DNAI7: variants seen among roughly 807,000 people sequenced by gnomAD.
DNAI7 encodes cancer susceptibility 1.
Under a neutral mutation model 86.6 loss-of-function variants are expected in DNAI7, and 78 were observed. The observed-to-expected ratio is 0.90, with a 90% CI of 0.75 to 1.09. The LOEUF is 1.09. DNAI7 is among the 50% of genes least tolerant of loss of function. DNAI7 has a pLI of 0.00. For synonymous variants in DNAI7, 274 were observed against 273.0 expected, an observed-to-expected ratio of 1.00 and a Z score of -0.04; for missense variants, 753 against 810.2, an observed-to-expected ratio of 0.93 and a Z score of 0.86.
intron 9 of DNAI7, among the ~76,000 whole-genome samples, chr12:25,140,219 G>A (rs772689318): frequency 9.3e-5 from 14 of 150,176 alleles, no homozygotes; most frequent in African/African-American, 3.5e-4. Flanking sequence ...ATAAAAAAAC[G>A]AAGGGCATCC....
intron 9 of DNAI7, among the ~76,000 whole-genome samples, chr12:25,133,713 C>G (rs916937211): frequency 5.3e-5 from 8 of 152,142 alleles, no homozygotes; most frequent in Admixed American, 2.6e-4. Context: ...TAAGCATAAG[C>G]GTCTACACAT....
chr12:25,119,409 G>T, intron 11 of DNAI7, 108 bp from the exon 12 acceptor site: 1 of 615,226 alleles, frequency 1.6e-6, no homozygotes, highest in South Asian at 2.9e-5. Context: ...ACTGCAGTTT[G>T]ATCCTATTTA....
At chr12:25,146,593 G>C (rs1256149412) in intron 8 of DNAI7, among the ~76,000 whole-genome samples, 6 of 69,520 alleles carry the variant, frequency 8.6e-5, no homozygotes, top group Admixed American at 2.2e-4. Flanking sequence ...GAGCAAGACT[G>C]TGTCTCAAAA....
At position 25,127,501 on chromosome 12, in the gene DNAI7, T is replaced by C. The variant is rs115360781; in HGVS notation, c.1003-4215A>G. ...TCTCAAAAACTGACAACTGGAATTT[T>C]TACTTCAATTGTATTAAATTTATAG... is the stretch of plus-strand genomic sequence containing the variant. On this transcript the variant is annotated intron_variant, in intron 9 of 15. Transcript: ENST00000395987. Among the ~76,000 whole-genome samples the C allele has an allele frequency of 6.2e-3, 939 of 152,306 alleles. 6 individuals carry two copies. The highest frequency in any genetic ancestry group is 0.022 in the African/African-American group (906 of 41,560).
chr12:25,153,938 A>G (rs1945858241), intron 6 of DNAI7, among the ~76,000 whole-genome samples: 1 of 152,192 alleles, frequency 6.6e-6, no homozygotes, highest in African/African-American at 2.4e-5. Context: ...TGTCTAACAG[A>G]GTGTATACCT....
intron 9 of DNAI7, among the ~76,000 whole-genome samples, chr12:25,131,376 TCTC>T (rs1451400926): frequency 6.6e-6 from 1 of 152,230 alleles, no homozygotes; most frequent in Non-Finnish European, 1.5e-5. Flanking sequence ...TTATGTTAGT[TCTC>T]CTGTAGCTGT....
chr12:25,190,039 T>C (rs1950379572), intron 2 of DNAI7, among the ~76,000 whole-genome samples: 1 of 148,712 alleles, frequency 6.7e-6, no homozygotes, highest in Admixed American at 6.7e-5. Context: ...AATATGTCTG[T>C]AGGGTAAATT....
At chr12:25,147,760 A>T (rs1945054824) in intron 7 of DNAI7, among the ~76,000 whole-genome samples, 1 of 152,230 alleles carries the variant, frequency 6.6e-6, no homozygotes, top group African/African-American at 2.4e-5. Flanking sequence ...TTTCATTTTA[A>T]CTATACACAT....
intron 9 of DNAI7, among the ~76,000 whole-genome samples, chr12:25,138,834 G>A (rs1374835690): frequency 2.8e-5 from 4 of 144,628 alleles, no homozygotes; most frequent in Admixed American, 6.9e-5. Flanking sequence ...AAACAAAGCA[G>A]AAGAAAAGAA....
intron 6 of DNAI7, among the ~76,000 whole-genome samples, chr12:25,152,829 G>T (rs934422573): frequency 6.6e-6 from 1 of 152,198 alleles, no homozygotes; most frequent in African/African-American, 2.4e-5. Flanking sequence ...ATTGGTTGGT[G>T]TGAGAAAACC....
intron 13 of DNAI7, among the ~76,000 whole-genome samples, chr12:25,113,316 T>TG (rs1939362725): frequency 6.7e-6 from 1 of 149,816 alleles, no homozygotes; most frequent in African/African-American, 2.5e-5. Flanking sequence ...TTGTTGTTGT[T>TG]TTTGAGATGG....
intron 9 of DNAI7, among the ~76,000 whole-genome samples, chr12:25,126,803 T>C (rs1001634399): frequency 2.0e-5 from 3 of 152,134 alleles, no homozygotes; most frequent in Non-Finnish European, 2.9e-5. Flanking sequence ...TCAATAAAAA[T>C]ACCAAAGATA....
intron 2 of DNAI7, among the ~76,000 whole-genome samples, chr12:25,184,535 GGTT>G (rs1949850715): frequency 6.6e-6 from 1 of 152,076 alleles, no homozygotes; most frequent in African/African-American, 2.4e-5. Flanking sequence ...TGAACATCTG[GGTT>G]GTTTGTTGTC....
intron 2 of DNAI7, among the ~76,000 whole-genome samples, chr12:25,171,271 C>G (rs1266273325): frequency 6.6e-6 from 1 of 152,046 alleles, no homozygotes; most frequent in African/African-American, 2.4e-5. Context: ...AATAATCTCA[C>G]TAAGAAATGA....
intron 14 of DNAI7, 148 bp downstream of exon 14, chr12:25,111,624 G>T (rs1938835065): frequency 3.1e-6 from 1 of 320,046 alleles, no homozygotes. Context: ...GAGAACCCTG[G>T]ATTTCTGGTC....
chr12:25,157,886 G>T (rs1946381922), intron 4 of DNAI7, among the ~76,000 whole-genome samples: 1 of 148,748 alleles, frequency 6.7e-6, no homozygotes, highest in African/African-American at 2.5e-5. Flanking sequence ...ACAGATTCAT[G>T]TATGCTTAAA....
chr12:25,110,431 C>T lies in DNAI7; in HGVS notation c.1780-191G>A, dbSNP rs148939261. On this transcript the variant is annotated intron_variant, in intron 14 of 15. Transcript: ENST00000395987. ...GAGAATAGAGTCCATAGTTAACAAA[C>T]GACTTGCACGGCCCTCTGACATCCC... 3.6e-3 allele frequency among the ~76,000 whole-genome samples: 553 copies of T among 152,272 alleles called. 12 individuals carry two copies. Among genetic ancestry groups the T allele is most frequent in the Non-Finnish European group, 1.4e-3 (98 of 68,002 alleles).
At chr12:25,107,436 AGGG>A (rs1302738041), downstream of DNAI7, among the ~76,000 whole-genome samples, 1 of 152,158 alleles carries the variant, frequency 6.6e-6, no homozygotes, top group African/African-American at 2.4e-5. Flanking sequence ...ACAAGAATAA[AGGG>A]GGACTACTGT....
At chr12:25,172,440 A>C (rs948107431) in intron 2 of DNAI7, among the ~76,000 whole-genome samples, 1 of 151,992 alleles carries the variant, frequency 6.6e-6, no homozygotes, top group African/African-American at 2.4e-5. Flanking sequence ...ACACTGCTGA[A>C]TGAAATCACA....
Sources: gnomAD v4.1 joint callset for allele counts (sites outside exome capture counted in the v4.1 genomes callset) on GRCh38, gnomAD v4.1.1 for gene constraint, MANE v1.5 for transcripts, NCBI Gene and HGNC (gene_info 2026-07-23, HGNC 2026-07-21) for gene names.